ARMC2: variants seen among roughly 807,000 people sequenced by gnomAD.
The protein encoded by ARMC2 is armadillo repeat-containing protein 2.
Under a neutral mutation model 90.3 loss-of-function variants are expected in ARMC2, and 67 were observed. That is an observed-to-expected ratio of 0.74 (90% CI 0.61 to 0.91). ARMC2 has a LOEUF of 0.91. Ranked by LOEUF, ARMC2 falls within the 40% of genes least tolerant of loss-of-function variation. The probability of loss-of-function intolerance (pLI) is 0.00; values close to 1 mark genes in which losing one functional copy is unlikely to be tolerated. For missense variants in ARMC2, 920 were observed against 1,030.9 expected (o/e 0.89, Z 1.47); for synonymous variants, 393 against 393.0 (o/e 1.00, Z 0.00).
chr6:108,918,974 A>G (rs1774271228), intron 10 of ARMC2, among the ~76,000 whole-genome samples: 1 of 152,238 alleles, frequency 6.6e-6, no homozygotes. Context: ...CAAATATTTA[A>G]TCTTTTTGTT....
chr6:108,951,907 G>A (rs1283478699), intron 12 of ARMC2, among the ~76,000 whole-genome samples: 2 of 152,248 alleles, frequency 1.3e-5, no homozygotes, highest in African/African-American at 2.4e-5. Flanking sequence ...AGAAGGCAAA[G>A]GAGGAGAAAA....
the ARMC2 span, chr6:109,009,584 G>A: frequency 9.3e-7 from 1 of 1,074,056 alleles, no homozygotes; most frequent in East Asian, 6.6e-5. Flanking sequence ...CGACAAACAA[G>A]CCGCGCGGCC....
intron 17 of ARMC2, among the ~76,000 whole-genome samples, chr6:108,969,376 A>G (rs1419604671): frequency 2.0e-5 from 3 of 151,960 alleles, no homozygotes; most frequent in Admixed American, 6.6e-5. Flanking sequence ...ACTTCTAATG[A>G]TGATTGTGTT....
At chr6:108,954,299 G>T (rs1777409660) in intron 13 of ARMC2, among the ~76,000 whole-genome samples, 1 of 152,180 alleles carries the variant, frequency 6.6e-6, no homozygotes, top group African/African-American at 2.4e-5. Context: ...CTAGTGTGTA[G>T]GAAAATTAAC....
chr6:108,944,064 A>C (rs1776639279), intron 12 of ARMC2, among the ~76,000 whole-genome samples: 2 of 152,218 alleles, frequency 1.3e-5, no homozygotes, highest in African/African-American at 4.8e-5. Context: ...TAAGTTATTA[A>C]GGTGGTTCTT....
At chr6:108,993,358 G>T in the ARMC2 span, among the ~76,000 whole-genome samples, 1 of 152,116 alleles carries the variant, frequency 6.6e-6, no homozygotes, top group Admixed American at 6.5e-5. Context: ...TTACAGTGCT[G>T]CCTGCACTGT....
At chr6:108,919,714 C>G (rs578249047) in intron 10 of ARMC2, among the ~76,000 whole-genome samples, 4 of 152,122 alleles carry the variant, frequency 2.6e-5, no homozygotes, top group Non-Finnish European at 5.9e-5. Context: ...AGCCCCTACC[C>G]TTATCAAGAT....
the ARMC2 span, among the ~76,000 whole-genome samples, chr6:109,007,169 A>G: frequency 1.3e-5 from 2 of 152,222 alleles, no homozygotes; most frequent in African/African-American, 4.8e-5. Context: ...AATGCAAAAC[A>G]CTAATTTTCA....
At chr6:109,011,398 T>C in the ARMC2 span, among the ~76,000 whole-genome samples, 1 of 152,126 alleles carries the variant, frequency 6.6e-6, no homozygotes, top group African/African-American at 2.4e-5. Context: ...ATAATTTTAA[T>C]TTAATATTCT....
rs150867437 is a variant in ARMC2, at chr6:108,862,193, C to A, written c.291+3922C>A. On this transcript the variant is annotated intron_variant, in intron 3 of 17. Coordinates refer to ENST00000392644, the MANE Select transcript of ARMC2 (RefSeq NM_032131.6). ...ACCCCGTCTCTACTAAAAATATAAACATTAGCCAGGTGTGGTGGCGCATGC... is the reference window on the plus strand; with the variant it reads ...ACCCCGTCTCTACTAAAAATATAAAAATTAGCCAGGTGTGGTGGCGCATGC... 4.1e-3 allele frequency among the ~76,000 whole-genome samples: 621 copies of A among 151,732 alleles called. 2 individuals are homozygous for A. The highest frequency in any genetic ancestry group is 0.014 in the African/African-American group (582 of 41,428).
chr6:108,875,103 C>G (rs184450591), intron 4 of ARMC2, among the ~76,000 whole-genome samples: 2 of 152,228 alleles, frequency 1.3e-5, no homozygotes, highest in African/African-American at 2.4e-5. Context: ...ACTCTCTTCC[C>G]CTTTAACAAA....
Position 108,974,262 on chromosome 6 carries a change from A to T in ARMC2, c.*748A>T, listed in dbSNP as rs1325572225. On this transcript the variant is annotated 3_prime_UTR_variant, in exon 18 of 18. Coordinates refer to ENST00000392644, the MANE Select transcript of ARMC2 (RefSeq NM_032131.6). ...CCTGCTAGCTTTGTGGGCCTGGAGC[A>T]AGTAACTTAATTTCTTGAGCTGCAA... 2.0e-5 allele frequency: 3 copies of T among 152,206 alleles called. No individual in the cohort carries two copies. The highest frequency in any genetic ancestry group is 2.0e-4 in the Admixed American group (3 of 15,278). 9.4% of individuals were successfully genotyped at this position (152,206 alleles called of 1,614,324 possible).
At chr6:108,923,420 C>A (rs1774783871) in intron 10 of ARMC2, among the ~76,000 whole-genome samples, 2 of 151,792 alleles carry the variant, frequency 1.3e-5, no homozygotes, top group Non-Finnish European at 2.9e-5. Context: ...AAATAAAGAC[C>A]CTGCTGTAGA....
chr6:109,001,046 C>A, the ARMC2 span, among the ~76,000 whole-genome samples: 411 of 152,176 alleles, frequency 2.7e-3, no homozygotes, highest in Non-Finnish European at 4.5e-3. Context: ...AATAATGAAA[C>A]AGAACTTGTG....
chr6:109,010,145 T>C, the ARMC2 span, among the ~76,000 whole-genome samples: 1 of 152,192 alleles, frequency 6.6e-6, no homozygotes, highest in African/African-American at 2.4e-5. Flanking sequence ...TCGTCTTTTT[T>C]CCTCTCAAGT....
chr6:108,927,221 G>A (rs893970277), intron 10 of ARMC2, among the ~76,000 whole-genome samples: 3 of 152,048 alleles, frequency 2.0e-5, no homozygotes, highest in African/African-American at 7.2e-5. Flanking sequence ...GGAAGGAGTG[G>A]CTGCCCCTGG....
intron 13 of ARMC2, among the ~76,000 whole-genome samples, chr6:108,953,556 T>A (rs958588635): frequency 6.6e-6 from 1 of 152,246 alleles, no homozygotes; most frequent in Admixed American, 6.5e-5. Context: ...AAAGAAAACA[T>A]AGTAATAGAG....
chr6:108,854,401 C>G lies in ARMC2; in HGVS notation c.134C>G (p.Pro45Arg), dbSNP rs376835243. Reference protein sequence around the residue: ...NALRTVRTQRPFTPQEAQRKL... With the variant: ...NALRTVRTQRRFTPQEAQRKL... ...TTAAGAACAGTTAGAACCCAAAGAC[C>G]ATTTACACCACAGGAGGCTCAAAGA... The change falls in exon 2 of 18, where the codon CCA (proline) becomes CGA (arginine). Residue 45 changes from proline to arginine, a missense_variant. Physicochemically the swap from Pro to Arg is moderately radical, Grantham distance 103. Coordinates refer to ENST00000392644, the MANE Select transcript of ARMC2 (RefSeq NM_032131.6). 3 of 1,613,164 alleles carry G rather than the reference C, an allele frequency of 1.9e-6. No individual in the cohort carries two copies. Among genetic ancestry groups the G allele is most frequent in the Non-Finnish European group, 2.5e-6 (3 of 1,179,708 alleles).
chr6:108,948,766 G>A (rs1037367375), intron 12 of ARMC2, among the ~76,000 whole-genome samples: 2 of 152,010 alleles, frequency 1.3e-5, no homozygotes, highest in African/African-American at 4.8e-5. Context: ...GAAGAGGAAG[G>A]GGCCTGAGGG....
Sources: gnomAD v4.1 joint callset for allele counts (sites outside exome capture counted in the v4.1 genomes callset) on GRCh38, gnomAD v4.1.1 for gene constraint, MANE v1.5 for transcripts, NCBI Gene and HGNC (gene_info 2026-07-23, HGNC 2026-07-21) for gene names.